Variants in EEF2K observed in about 807,000 individuals in gnomAD.
EEF2K encodes alternative protein EEF2K.
EEF2K carries 70 observed loss-of-function variants against 93.8 expected under a neutral mutation model. The ratio of observed to expected loss-of-function variants is 0.75; its 90% CI spans 0.62 to 0.91. The LOEUF (loss-of-function observed/expected upper bound fraction) is 0.91, where lower values mean the gene tolerates loss of function less well. Ranked by LOEUF, EEF2K falls within the 40% of genes least tolerant of loss-of-function variation. EEF2K has a pLI of 0.00. For synonymous variants in EEF2K, 376 were observed against 380.8 expected (o/e 0.99, Z 0.15); for missense variants, 935 against 972.9 (o/e 0.96, Z 0.52).
At chr16:22,263,669 TC>T (rs1157359200) in intron 12 of EEF2K, among the ~76,000 whole-genome samples, 2 of 152,036 alleles carry the variant, frequency 1.3e-5, no homozygotes, top group Non-Finnish European at 2.9e-5. Flanking sequence ...TAAAACAGGA[TC>T]ATGTGGACCA....
intron 3 of EEF2K, among the ~76,000 whole-genome samples, chr16:22,248,174 C>T (rs975465252): frequency 1.3e-5 from 2 of 152,108 alleles, no homozygotes; most frequent in African/African-American, 2.4e-5. Flanking sequence ...AAGCGATTCT[C>T]CTGCCTCAGC....
chr16:22,249,760 G>A (rs766805203), intron 4 of EEF2K, among the ~76,000 whole-genome samples: 12 of 151,330 alleles, frequency 7.9e-5, no homozygotes, highest in African/African-American at 1.5e-4. Context: ...GGGGTGCACC[G>A]TCACACCCAG....
Position 22,273,761 on chromosome 16 carries a change from T to G in EEF2K, c.1889+11T>G, listed in dbSNP as rs1459631773. 6.2e-7 allele frequency: 1 copy of G among 1,612,360 alleles called. No homozygotes were observed. On this transcript the variant is annotated intron_variant, in intron 16 of 17. Transcript: ENST00000263026. ...CCTCAGCCCGGACAGGTACTGCAGC[T>G]GTCACCCAGGAGGAGCTGGTAGGAA... is the stretch of plus-strand genomic sequence containing the variant.
rs1442405550 is a variant in EEF2K at position 22,218,942 on chromosome 16, A to AAG, written c.-76-6711_-76-6710insGA. 3.5e-4 allele frequency among the ~76,000 whole-genome samples: 53 copies of AAG among 151,916 alleles called. No homozygotes were observed. The East Asian group carries it at 6.2e-3, about 18-fold the overall frequency. ...GGAGTTCAAACAAAAAAATTAAAAA[A>AAG]AAAAAAAAAAAGAGAAAAAAGAAAA... On this transcript the variant is annotated intron_variant, in intron 1 of 17. Transcript: ENST00000263026.
chr16:22,250,567 G>A, intron 4 of EEF2K, 87 bp from the exon 5 acceptor site: 1 of 1,533,762 alleles, frequency 6.5e-7, no homozygotes, highest in Non-Finnish European at 9.0e-7. Context: ...CATTTGATAG[G>A]TGGCATGTAA....
intron 2 of EEF2K, among the ~76,000 whole-genome samples, chr16:22,237,375 TG>T (rs1309195265): frequency 6.6e-6 from 1 of 151,966 alleles, no homozygotes; most frequent in Non-Finnish European, 1.5e-5. Flanking sequence ...CAGTGGCTTA[TG>T]TCTGTAATCC....
intron 6 of EEF2K, among the ~76,000 whole-genome samples, chr16:22,256,297 A>G (rs1011737938): frequency 1.3e-5 from 2 of 152,100 alleles, no homozygotes; most frequent in Non-Finnish European, 2.9e-5. Flanking sequence ...GGGTTTCACC[A>G]TGTTGGCCAC....
In EEF2K at chr16:22,260,322, C is replaced by T. The variant is rs573678806; in HGVS notation, c.1232-140C>T. ...GCCTCCAGGTGCTGATAACATTCTT[C>T]TCCTTTTTTGTGCCTTTCTTTAAAG... On this transcript the variant is annotated intron_variant, in intron 10 of 17. Coordinates refer to ENST00000263026, the MANE Select transcript of EEF2K (RefSeq NM_013302.5). 1.6e-5 allele frequency: 12 copies of T among 762,728 alleles called. No homozygotes were observed. The East Asian group carries it at 2.5e-4, about 16-fold the overall frequency. The allele number at this position is 762,728 out of a possible 1,614,324, so 47.2% of individuals were successfully genotyped here. A position where few individuals can be genotyped will look rare whatever the true frequency, so the allele number is the denominator to read the frequency against.
intron 10 of EEF2K, 69 bp from the exon 11 acceptor site, chr16:22,260,393 G>A (rs2047450405): frequency 6.3e-7 from 1 of 1,576,142 alleles, no homozygotes; most frequent in Admixed American, 1.7e-5. Flanking sequence ...ACCGCCCTAG[G>A]CCGTGGGTTG....
rs1235283056 is a variant in EEF2K at position 22,287,782 on chromosome 16, G to T, written c.*3786G>T. The stretch of plus-strand genomic sequence containing the variant: ...CTGGGAATTTATCAAATGCAGCTTT[G>T]ACCTCCAAGCCAAGTAAACTGCTCT... On this transcript the variant is annotated 3_prime_UTR_variant, in exon 18 of 18. Transcript: ENST00000263026. 6.6e-6 allele frequency: 1 copy of T among 152,094 alleles called. No individual in the cohort carries two copies. The highest frequency in any genetic ancestry group is 1.5e-5 in the Non-Finnish European group (1 of 68,014). The allele number at this position is 152,094 out of a possible 1,614,324, so 9.4% of individuals were successfully genotyped here. A position where few individuals can be genotyped will look rare whatever the true frequency, so the allele number is the denominator to read the frequency against.
Position 22,251,230 on chromosome 16 carries a change from G to C in EEF2K, c.526G>C (p.Val176Leu). ...CGTGGCGAAGCGCTACATCGAGCCC[G>C]TAGACCGGGATGTGTACTTTGAGGA... ...NYVAKRYIEP[V>L]DRDVYFEDVR... is the part of the protein sequence containing the mutation. Residue 176 changes from valine to leucine, a missense_variant, in exon 6 of 18, where the codon GTA (valine) becomes CTA (leucine). Transcript: ENST00000263026. 6.2e-7 allele frequency: 1 copy of C among 1,614,114 alleles called. No individual in the cohort carries two copies. Among genetic ancestry groups the C allele is most frequent in the Admixed American group, 1.7e-5 (1 of 60,006 alleles).
rs1673187474 is a variant in EEF2K, at chr16:22,238,986, C to T, written c.247-5644C>T. On this transcript the variant is annotated intron_variant, in intron 2 of 17. Coordinates refer to ENST00000263026, the MANE Select transcript of EEF2K (RefSeq NM_013302.5). ...CACCAGCAGCCAAAACCTTCTTCATCCTTGTTTGTAAACAAGGAAATGGAG... is the reference window on the plus strand; with the variant it reads ...CACCAGCAGCCAAAACCTTCTTCATTCTTGTTTGTAAACAAGGAAATGGAG... Among the ~76,000 whole-genome samples the T allele has an allele frequency of 2.6e-5, 4 of 151,964 alleles. No homozygotes were observed. The South Asian group carries it at 8.3e-4, about 32-fold the overall frequency.
At chr16:22,272,356 G>T (rs537936505) in intron 15 of EEF2K, among the ~76,000 whole-genome samples, 6 of 152,292 alleles carry the variant, frequency 3.9e-5, no homozygotes, top group African/African-American at 9.6e-5. Flanking sequence ...ATCATAAAAA[G>T]GAATGAAATA....
chr16:22,228,446 A>G (rs1322876346), intron 2 of EEF2K, among the ~76,000 whole-genome samples: 4 of 152,166 alleles, frequency 2.6e-5, no homozygotes, highest in Non-Finnish European at 4.4e-5. Context: ...ACATAGTGAA[A>G]CCCATCTCTA....
At chr16:22,248,654 C>T in intron 3 of EEF2K, 101 bp from the exon 4 acceptor site, 4 of 1,447,248 alleles carry the variant, frequency 2.8e-6, no homozygotes, top group Non-Finnish European at 3.8e-6. Flanking sequence ...TGGGTTGGTT[C>T]TGAGGTCAGT....
At chr16:22,264,741 G>T in intron 12 of EEF2K, 77 bp from the exon 13 acceptor site, 2 of 1,558,654 alleles carry the variant, frequency 1.3e-6, no homozygotes, top group Non-Finnish European at 1.8e-6. Context: ...AGGGAGGAGG[G>T]CTGGACCAGC....
At chr16:22,274,184 T>A (rs2047612726) in intron 16 of EEF2K, among the ~76,000 whole-genome samples, 1 of 152,156 alleles carries the variant, frequency 6.6e-6, no homozygotes, top group African/African-American at 2.4e-5. Flanking sequence ...GGCTCACGCA[T>A]GTAATCTTAG....
At position 22,206,567 on chromosome 16, in the gene EEF2K, TCGGG is replaced by T. The variant is rs2046864305; in HGVS notation, c.-188_-185del. 1 of 151,716 alleles carries T rather than the reference TCGGG, an allele frequency of 6.6e-6. No homozygotes were observed. Among genetic ancestry groups the T allele is most frequent in the Non-Finnish European group, 1.5e-5 (1 of 68,104 alleles). 9.4% of individuals were successfully genotyped at this position (151,716 alleles called of 1,614,324 possible). A position where few individuals can be genotyped will look rare whatever the true frequency, so the allele number is the denominator to read the frequency against. The stretch of plus-strand genomic sequence containing the variant: ...CCCCGCTCTCCGCTCCCCGGCACTC[TCGGG>T]GGGCCCGCCCGCCCTGCACCCTGGA... On this transcript the variant is annotated 5_prime_UTR_variant, in exon 1 of 18. Transcript: ENST00000263026.
At chr16:22,278,238 C>T (rs911933188) in intron 16 of EEF2K, among the ~76,000 whole-genome samples, 3 of 152,040 alleles carry the variant, frequency 2.0e-5, no homozygotes, top group Non-Finnish European at 2.9e-5. Flanking sequence ...CAAAAGGGGG[C>T]TGAACTCGCC....
Sources: gnomAD v4.1 joint callset for allele counts (sites outside exome capture counted in the v4.1 genomes callset) on GRCh38, gnomAD v4.1.1 for gene constraint, MANE v1.5 for transcripts, NCBI Gene and HGNC (gene_info 2026-07-23, HGNC 2026-07-21) for gene names.